The following MYO18B variants were observed in gnomAD, a reference collection of about 807,000 sequenced individuals.
MYO18B encodes the protein myosin XVIIIB.
A neutral mutation model predicts 273.0 loss-of-function variants in MYO18B; 204 were observed. The observed-to-expected ratio is 0.75, with a 90% CI of 0.67 to 0.84. The LOEUF is 0.84. Ranked by LOEUF, MYO18B falls within the 40% of genes least tolerant of loss-of-function variation. MYO18B has a pLI of 0.00. For synonymous variants in MYO18B, 1,330 were observed against 1,305.7 expected (o/e 1.02, Z -0.40); for missense variants, 3,212 against 3,287.6 (o/e 0.98, Z 0.56).
In MYO18B at chr22:25,870,761, G is replaced by C. The variant is rs368437299; in HGVS notation, c.3951+2376G>C. Among the ~76,000 whole-genome samples the C allele has an allele frequency of 2.1e-3, 325 of 152,250 alleles. 17 individuals carry two copies. In the South Asian group the frequency reaches 0.066, roughly 31 times the overall value. On this transcript the variant is annotated intron_variant, in intron 22 of 43. Coordinates refer to ENST00000335473, the MANE Select transcript of MYO18B (RefSeq NM_032608.7). ...ACCTAGTAAATCAGAAACTCTGGAG[G>C]GGGGCAGGGCTGGCAATCTGTATAA...
At chr22:26,024,302 C>T (rs1246836654) in intron 42 of MYO18B, among the ~76,000 whole-genome samples, 1 of 152,190 alleles carries the variant, frequency 6.6e-6, no homozygotes, top group African/African-American at 2.4e-5. Context: ...AAGGGTGTTT[C>T]TTTCACTGTC....
chr22:25,877,916 C>T, intron 24 of MYO18B, 43 bp from the exon 25 acceptor site: 1 of 1,516,240 alleles, frequency 6.6e-7, no homozygotes, highest in Non-Finnish European at 9.0e-7. Context: ...GGAACTTAAT[C>T]TCTGGCCTGG....
At chr22:26,008,761 G>C (rs1934646547) in intron 42 of MYO18B, among the ~76,000 whole-genome samples, 1 of 152,146 alleles carries the variant, frequency 6.6e-6, no homozygotes, top group Non-Finnish European at 1.5e-5. Context: ...GGCTGTCCAG[G>C]GTCTGGCATG....
intron 34 of MYO18B, 48 bp downstream of exon 34, chr22:25,921,457 C>A (rs764869578): frequency 6.4e-7 from 1 of 1,565,520 alleles, no homozygotes; most frequent in Non-Finnish European, 8.7e-7. Flanking sequence ...GAGGATGCTA[C>A]GACCTGCAGA....
In MYO18B at chr22:25,952,289, C is replaced by T. The variant is rs2092801534; in HGVS notation, c.5836C>T (p.Gln1946Ter). 6.2e-7 allele frequency: 1 copy of T among 1,609,166 alleles called. No homozygotes were observed. The change falls in exon 38 of 44, where the codon CAG (glutamine) becomes TAG (stop). Residue 1946 changes from glutamine (Q) to a stop codon, truncating the protein, a stop_gained. Transcript: ENST00000335473. LOFTEE classifies it high-confidence loss of function. ...TAGACTTCTCTCATACTTACAGCTG[C>T]AGGTGGCTCAGATGCGCATCGAGTA... ...KEKHKLQEQL[Q>*]VAQMRIEYLE...
chr22:26,015,331 C>T (rs762561303), intron 42 of MYO18B, among the ~76,000 whole-genome samples: 4 of 152,088 alleles, frequency 2.6e-5, no homozygotes, highest in Non-Finnish European at 4.4e-5. Context: ...ATTGTTTTAC[C>T]GTAAAGACAC....
At chr22:26,021,875 C>T (rs187594306) in intron 42 of MYO18B, among the ~76,000 whole-genome samples, 29 of 152,294 alleles carry the variant, frequency 1.9e-4, no homozygotes, top group African/African-American at 5.8e-4. Context: ...CAGCACCTGG[C>T]GCACAGTAGG....
rs367970198 is a variant in MYO18B at position 25,940,899 on chromosome 22, G to A, written c.5518-5238G>A. Among the ~76,000 whole-genome samples the A allele has an allele frequency of 2.6e-5, 4 of 152,316 alleles. No individual in the cohort carries two copies. The South Asian group carries it at 8.3e-4, about 32-fold the overall frequency. Reference sequence around the variant, plus strand: ...CATTTTACTATTTAGTAGAAGAAGGGTCCTATCCCAAGGGAATAGTAGGCA... The same window carrying A: ...CATTTTACTATTTAGTAGAAGAAGGATCCTATCCCAAGGGAATAGTAGGCA... On this transcript the variant is annotated intron_variant, in intron 34 of 43. Coordinates refer to ENST00000335473, the MANE Select transcript of MYO18B (RefSeq NM_032608.7).
chr22:25,771,029 C>T lies in MYO18B; in HGVS notation c.1692+45C>T, dbSNP rs1312756298. The T allele has an allele frequency of 3.1e-6, 4 of 1,307,580 alleles. 1 individual carries two copies. Among genetic ancestry groups the T allele is most frequent in the East Asian group, 5.0e-5 (2 of 39,884 alleles). The allele number at this position is 1,307,580 out of a possible 1,614,324, so 81.0% of individuals were successfully genotyped here. A position where few individuals can be genotyped will look rare whatever the true frequency, so the allele number is the denominator to read the frequency against. On this transcript the variant is annotated intron_variant, in intron 6 of 43. Coordinates refer to ENST00000335473, the MANE Select transcript of MYO18B (RefSeq NM_032608.7). ...GTCCCCCAGCATGAGTCCCCTGTCC[C>T]ACTTCACCCCAGCTCCATACCCTCC...
At chr22:25,825,960 T>C (rs1358368070) in intron 13 of MYO18B, among the ~76,000 whole-genome samples, 1 of 152,184 alleles carries the variant, frequency 6.6e-6, no homozygotes, top group Non-Finnish European at 1.5e-5. Context: ...ACACTGGCAA[T>C]TTAAAGGTCA....
At chr22:25,834,926 G>A (rs1381841663) in intron 16 of MYO18B, among the ~76,000 whole-genome samples, 5 of 152,204 alleles carry the variant, frequency 3.3e-5, no homozygotes, top group Non-Finnish European at 7.3e-5. Flanking sequence ...CCAGCTGCCT[G>A]TATGTATCTA....
intron 12 of MYO18B, among the ~76,000 whole-genome samples, chr22:25,818,883 G>A (rs572783885): frequency 7.2e-5 from 11 of 152,140 alleles, no homozygotes; most frequent in South Asian, 4.1e-4. Flanking sequence ...TTAAGATTCC[G>A]TTTCACAGAC....
chr22:25,742,870 G>C (rs1328461918), intron 1 of MYO18B, among the ~76,000 whole-genome samples: 1 of 152,242 alleles, frequency 6.6e-6, no homozygotes, highest in Non-Finnish European at 1.5e-5. Context: ...CTTGAGCTCT[G>C]TCTGAGGGAA....
intron 21 of MYO18B, among the ~76,000 whole-genome samples, chr22:25,859,648 G>C (rs2090672602): frequency 1.3e-5 from 2 of 151,330 alleles, no homozygotes; most frequent in South Asian, 4.2e-4. Context: ...TTTTGCATGT[G>C]CCTAGTAGCC....
At chr22:25,749,340 G>C (rs970376867) in intron 1 of MYO18B, among the ~76,000 whole-genome samples, 1 of 152,226 alleles carries the variant, frequency 6.6e-6, no homozygotes, top group African/African-American at 2.4e-5. Context: ...CCTTGGGGCT[G>C]TATGGGACAA....
intron 17 of MYO18B, among the ~76,000 whole-genome samples, chr22:25,837,495 TAGAC>T (rs1345903157): frequency 2.0e-5 from 3 of 152,188 alleles, no homozygotes; most frequent in East Asian, 3.9e-4. Flanking sequence ...ATTGGAGACA[TAGAC>T]AGATGCATCT....
chr22:26,026,861 G>C lies in MYO18B; in HGVS notation c.6887G>C (p.Ser2296Thr). The change falls in exon 43 of 44, where the codon AGT (serine) becomes ACT (threonine). Residue 2296 changes from serine (S) to threonine (T), a missense_variant. Transcript: ENST00000335473. ...ACACTAAGGAGGGGCAGGGCTGGCA[G>C]TGACGAGGGAAACCTCTCGCTGAGG... ...ASTLRRGRAG[S>T]DEGNLSLRVG... is the part of the protein sequence containing the mutation. 6.3e-7 allele frequency: 1 copy of C among 1,595,304 alleles called. No homozygotes were observed. The highest frequency in any genetic ancestry group is 8.5e-7 in the Non-Finnish European group (1 of 1,170,610).
At chr22:25,995,088 T>A (rs1249112445) in intron 40 of MYO18B, among the ~76,000 whole-genome samples, 1 of 152,152 alleles carries the variant, frequency 6.6e-6, no homozygotes, top group African/African-American at 2.4e-5. Flanking sequence ...GTATACACGA[T>A]AGAGTACTAT....
In MYO18B at chr22:25,769,386, G is replaced by A. The variant is rs574080869; in HGVS notation, c.1470G>A (p.Pro490=). 274 of 1,569,562 alleles carry A rather than the reference G, an allele frequency of 1.7e-4. 2 individuals are homozygous for A. In the South Asian group the frequency reaches 2.6e-3, roughly 15 times the overall value. ...IRKENQDGPA[P]QEEGKGGQSR... Reference sequence around the variant, plus strand: ...AGGAGAACCAAGACGGGCCAGCCCCGCAGGAGGAGGGCAAAGGAGGCCAGA... The same window carrying A: ...AGGAGAACCAAGACGGGCCAGCCCCACAGGAGGAGGGCAAAGGAGGCCAGA... Residue 490 remains proline (P), a synonymous_variant, in exon 4 of 44, where the codon CCG becomes CCA. Transcript: ENST00000335473.
Sources: gnomAD v4.1 joint callset for allele counts (sites outside exome capture counted in the v4.1 genomes callset) on GRCh38, gnomAD v4.1.1 for gene constraint, MANE v1.5 for transcripts, NCBI Gene and HGNC (gene_info 2026-07-23, HGNC 2026-07-21) for gene names.